Variants in MCM3AP observed in about 807,000 individuals in gnomAD.
MCM3AP encodes the protein germinal-center associated nuclear protein.
MCM3AP carries 126 observed loss-of-function variants against 184.1 expected under a neutral mutation model. That is an observed-to-expected ratio of 0.68 (90% CI 0.59 to 0.79). The LOEUF (loss-of-function observed/expected upper bound fraction) is 0.79, where lower values mean the gene tolerates loss of function less well. Among genes scored for constraint, MCM3AP ranks in the 30% least tolerant of loss-of-function variants. The probability of loss-of-function intolerance (pLI) is 0.00; values close to 1 mark genes in which losing one functional copy is unlikely to be tolerated. For synonymous variants in MCM3AP, 1,002 were observed against 979.3 expected, an observed-to-expected ratio of 1.02 and a Z score of -0.43; for missense variants, 2,496 against 2,479.2, an observed-to-expected ratio of 1.01 and a Z score of -0.14.
intron 2 of MCM3AP, 68 bp downstream of exon 2, chr21:46,283,547 A>G: frequency 8.6e-7 from 1 of 1,156,638 alleles, no homozygotes; most frequent in Non-Finnish European, 1.3e-6. Flanking sequence ...GGACCAAAAA[A>G]AAAAAACAGG....
In MCM3AP at chr21:46,275,238, C is replaced by T. The variant is rs2145702366; in HGVS notation, c.1946G>A (p.Arg649Gln). Residue 649 changes from arginine to glutamine, a missense_variant, in exon 6 of 28, where the codon CGG (arginine) becomes CAG (glutamine). By Grantham distance (43) the Arg-to-Gln change is conservative. Around this residue, in one of 5 missense-constraint regions of MCM3AP, gnomAD observed 130 missense variants for 199.8 expected, o/e 0.65. Transcript: ENST00000291688. ...DMCPEKERYMRETRSQLSVFE... is the reference protein window; with the variant it reads ...DMCPEKERYMQETRSQLSVFE... ...CACGCTCAGCTGGCTACGGGTCTCC[C>T]GCATGTACCTCTCCTTCTCAGGACA... 6.2e-7 allele frequency: 1 copy of T among 1,614,052 alleles called. No homozygotes were observed. The highest frequency in any genetic ancestry group is 8.5e-7 in the Non-Finnish European group (1 of 1,179,996).
intron 6 of MCM3AP, among the ~76,000 whole-genome samples, chr21:46,274,955 A>G (rs1343733060): frequency 1.3e-5 from 2 of 152,066 alleles, no homozygotes; most frequent in East Asian, 3.9e-4. Context: ...AAAAAAAAAA[A>G]AAAAGAATTT....
At chr21:46,283,931 A>G in intron 1 of MCM3AP, 93 bp from the exon 2 acceptor site, 1 of 1,548,784 alleles carries the variant, frequency 6.5e-7, no homozygotes, top group Non-Finnish European at 8.8e-7. Flanking sequence ...TTTCAGATGT[A>G]AGACCTGCTC....
intron 4 of MCM3AP, among the ~76,000 whole-genome samples, chr21:46,278,789 T>C (rs1351668077): frequency 6.6e-6 from 1 of 151,926 alleles, no homozygotes; most frequent in African/African-American, 2.4e-5. Flanking sequence ...TTCTCCTGCC[T>C]CAGCCTCACA....
chr21:46,255,574 CAGG>C (rs1190286604), intron 17 of MCM3AP, among the ~76,000 whole-genome samples: 5 of 151,974 alleles, frequency 3.3e-5, no homozygotes. Context: ...GCCCTAAGCG[CAGG>C]AGGACAGGAC....
At chr21:46,263,104 C>T (rs538546017) in intron 13 of MCM3AP, among the ~76,000 whole-genome samples, 88 of 148,740 alleles carry the variant, frequency 5.9e-4, no homozygotes, top group Admixed American at 8.0e-4. Flanking sequence ...CCAAGGCGGG[C>T]GGATCACGAG....
chr21:46,244,533 GT>G, intron 23 of MCM3AP: 1 of 499,648 alleles, frequency 2.0e-6, no homozygotes. Flanking sequence ...AGTACCACTT[GT>G]CACTTTTCTC....
chr21:46,254,417 C>T lies in MCM3AP; in HGVS notation c.4111G>A (p.Glu1371Lys). 1.2e-6 allele frequency: 2 copies of T among 1,614,198 alleles called. No homozygotes were observed. Among genetic ancestry groups the T allele is most frequent in the South Asian group, 2.2e-5 (2 of 91,088 alleles). Residue 1371 changes from glutamate (E) to lysine (K), a missense_variant, in exon 19 of 28, where the codon GAG becomes AAG. Physicochemically the swap from Glu to Lys is moderately conservative, Grantham distance 56. This residue lies in a region of MCM3AP where 1,323 missense variants were observed against 1,273.4 expected (regional missense o/e 1.04). Coordinates refer to ENST00000291688, the MANE Select transcript of MCM3AP (RefSeq NM_003906.5). ...CTGCCACAACTCTCTGGGGACTGCT[C>T]CTCTACATCCGGCAACACCAGCACC... Reference protein sequence around the residue: ...KLVLVLPDVEEQSPESCGRIL... With the variant: ...KLVLVLPDVEKQSPESCGRIL...
chr21:46,254,742 C>T (rs1569062063), intron 18 of MCM3AP, 34 bp downstream of exon 18: 1 of 1,598,018 alleles, frequency 6.3e-7, no homozygotes, highest in African/African-American at 1.3e-5. Context: ...CGGGGATCAC[C>T]AGGGGGTGCG....
intron 24 of MCM3AP, 86 bp from the exon 25 acceptor site, chr21:46,243,017 A>C: frequency 8.1e-7 from 1 of 1,228,080 alleles, no homozygotes. Context: ...AAAAAAACAA[A>C]AACAGGTACA....
At chr21:46,279,843 G>C (rs2081306939) in intron 4 of MCM3AP, 150 bp downstream of exon 4, 1 of 682,008 alleles carries the variant, frequency 1.5e-6, no homozygotes, top group East Asian at 3.1e-5. Context: ...GAGGGGCAGA[G>C]CCCCTGCCCC....
chr21:46,268,526 T>C (rs2081140979), intron 9 of MCM3AP, among the ~76,000 whole-genome samples: 1 of 152,120 alleles, frequency 6.6e-6, no homozygotes, highest in Non-Finnish European at 1.5e-5. Context: ...CAGGGAGCGC[T>C]GGTGGGGGCC....
intron 16 of MCM3AP, 58 bp from the exon 17 acceptor site, chr21:46,257,044 C>T (rs2080964175): frequency 2.6e-6 from 4 of 1,549,262 alleles, no homozygotes; most frequent in Non-Finnish European, 3.5e-6. Flanking sequence ...AACTGAGAAA[C>T]ACATTGCAGT....
rs141439417 is a variant in MCM3AP, at chr21:46,269,804, T to A, written c.2628+597A>T. Among the ~76,000 whole-genome samples, 187 of 152,346 alleles carry A rather than the reference T, an allele frequency of 1.2e-3. 1 individual carries two copies. The highest frequency in any genetic ancestry group is 0.01 in the Middle Eastern group (3 of 294). On this transcript the variant is annotated intron_variant, in intron 9 of 27. Transcript: ENST00000291688. ...GGTCACATTGCACTGAACGGAATCA[T>A]GCAGGGCCTAGAACAGCAGGTGCTA...
At chr21:46,241,204 G>A in intron 25 of MCM3AP, 187 bp from the exon 26 acceptor site, 1 of 596,226 alleles carries the variant, frequency 1.7e-6, no homozygotes, top group East Asian at 2.8e-5. Context: ...AAGTCAGGGA[G>A]TGGAGCAAAG....
upstream of MCM3AP, chr21:46,285,940 C>T (rs2081417010): frequency 6.6e-6 from 1 of 152,498 alleles, no homozygotes; most frequent in Non-Finnish European, 1.5e-5. Flanking sequence ...GACGGCGTGC[C>T]CGGGGAGCCT....
intron 13 of MCM3AP, 33 bp downstream of exon 13, chr21:46,264,084 C>T (rs751530228): frequency 6.7e-6 from 10 of 1,485,234 alleles, no homozygotes; most frequent in South Asian, 1.1e-5. Flanking sequence ...CCCCGCAGCA[C>T]GTAGCAGGAG....
chr21:46,256,819 T>C lies in MCM3AP; in HGVS notation c.3902A>G (p.His1301Arg). ...NLARGLLDLGHAGRLGISCTR... is the reference protein window; with the variant it reads ...NLARGLLDLGRAGRLGISCTR... ...GCAGGAGATGCCCAATCTCCCTGCA[T>C]GGCCCAGGTCCAGGAGGCCCCTGGC... The change falls in exon 17 of 28, where the codon CAT (histidine) becomes CGT (arginine). Residue 1301 changes from histidine (H) to arginine (R), a missense_variant. By Grantham distance (29) the His-to-Arg change is conservative. Around this residue, in one of 5 missense-constraint regions of MCM3AP, gnomAD observed 1,323 missense variants for 1,273.4 expected, o/e 1.04. Transcript: ENST00000291688. 2 of 1,560,856 alleles carry C rather than the reference T, an allele frequency of 1.3e-6. No individual in the cohort carries two copies. Among genetic ancestry groups the C allele is most frequent in the East Asian group, 2.4e-5 (1 of 42,070 alleles).
intron 13 of MCM3AP, among the ~76,000 whole-genome samples, chr21:46,263,154 C>A (rs887792186): frequency 9.2e-5 from 14 of 151,394 alleles, no homozygotes; most frequent in Admixed American, 9.2e-4. Context: ...AATGGTGAAA[C>A]CCTGTCTCTA....
Sources: allele counts gnomAD v4.1 joint callset (sites outside exome capture counted in the v4.1 genomes callset), GRCh38; gene constraint gnomAD v4.1.1; regional missense constraint gnomAD v4.1.1; transcripts MANE v1.5; gene names NCBI Gene and HGNC (gene_info 2026-07-23, HGNC 2026-07-21).